The following CNTNAP5 variants were observed in gnomAD, a reference collection of about 807,000 sequenced individuals.
CNTNAP5 encodes the protein contactin associated protein family member 5.
CNTNAP5 carries 72 observed loss-of-function variants against 150.2 expected under a neutral mutation model. That is an observed-to-expected ratio of 0.48 (90% confidence interval 0.40 to 0.58). The LOEUF is 0.58. Among genes scored for constraint, CNTNAP5 ranks in the 20% least tolerant of loss-of-function variants. The pLI is 0.00. For synonymous variants in CNTNAP5, 672 were observed against 619.8 expected (o/e 1.08, Z -1.25); for missense variants, 1,636 against 1,626.2 (o/e 1.01, Z -0.10).
intron 2 of CNTNAP5, among the ~76,000 whole-genome samples, chr2:124,239,202 G>GTTTAGC (rs1475332398): frequency 6.6e-6 from 1 of 151,830 alleles, no homozygotes; most frequent in Admixed American, 6.6e-5. Context: ...TTTTGTTTTG[G>GTTTAGC]TTTGTCTTGG....
At chr2:124,621,741 G>A (rs900838496) in intron 12 of CNTNAP5, among the ~76,000 whole-genome samples, 3 of 152,140 alleles carry the variant, frequency 2.0e-5, no homozygotes, top group Admixed American at 1.3e-4. Context: ...TGCCAGTGTA[G>A]GGGAAATGAG....
chr2:124,733,107 C>A (rs554964309), intron 13 of CNTNAP5, among the ~76,000 whole-genome samples: 151 of 152,008 alleles, frequency 9.9e-4, no homozygotes, highest in African/African-American at 3.5e-3. Flanking sequence ...AGATTAGGAG[C>A]TTTTGGGGGA....
At chr2:124,061,447 G>A (rs1558741718) in intron 1 of CNTNAP5, among the ~76,000 whole-genome samples, 2 of 152,096 alleles carry the variant, frequency 1.3e-5, no homozygotes, top group African/African-American at 2.4e-5. Context: ...TATGAGAAAA[G>A]GAAAATGTGA....
intron 3 of CNTNAP5, among the ~76,000 whole-genome samples, chr2:124,275,879 C>T (rs2104617626): frequency 6.6e-6 from 1 of 152,266 alleles, no homozygotes; most frequent in East Asian, 1.9e-4. Flanking sequence ...GAACAACAGA[C>T]TTGTACCTGG....
chr2:124,374,930 TGA>T (rs1270265020), intron 3 of CNTNAP5, among the ~76,000 whole-genome samples: 1 of 151,756 alleles, frequency 6.6e-6, no homozygotes, highest in Non-Finnish European at 1.5e-5. Context: ...CTTAGAACAA[TGA>T]GAGAGAGAAA....
At chr2:124,099,360 T>A (rs1223489176) in intron 1 of CNTNAP5, among the ~76,000 whole-genome samples, 1 of 152,224 alleles carries the variant, frequency 6.6e-6, no homozygotes, top group African/African-American at 2.4e-5. Flanking sequence ...ATTTACTGAC[T>A]ATAATAACTA....
chr2:124,846,887 A>G (rs1413651276), intron 19 of CNTNAP5, among the ~76,000 whole-genome samples: 1 of 152,102 alleles, frequency 6.6e-6, no homozygotes, highest in African/African-American at 2.4e-5. Context: ...CTGCATTGGT[A>G]TTGGAGAGCT....
chr2:124,869,692 A>G lies in CNTNAP5; in HGVS notation c.3366A>G (p.Arg1122=), dbSNP rs555066300. Residue 1122 remains arginine, a synonymous_variant, in exon 21 of 24, where the codon CGA becomes CGG. Coordinates refer to ENST00000682447, the MANE Select transcript of CNTNAP5 (RefSeq NM_001367498.1). ...TCCTGCAGATGGACCAGCAACTTCG[A>G]CTCAGTTATAACTTCTCTCCGGAAG... is the stretch of plus-strand genomic sequence containing the variant. ...ELTIQMDQQL[R]LSYNFSPEVE... 1 of 1,611,896 alleles carries G rather than the reference A, an allele frequency of 6.2e-7. No homozygotes were observed. The highest frequency in any genetic ancestry group is 1.1e-5 in the South Asian group (1 of 90,946).
At chr2:124,276,358 G>A (rs1687883765) in intron 3 of CNTNAP5, among the ~76,000 whole-genome samples, 1 of 152,166 alleles carries the variant, frequency 6.6e-6, no homozygotes, top group African/African-American at 2.4e-5. Flanking sequence ...TTATATCCCT[G>A]CTTTTAACAT....
chr2:124,643,854 G>GT (rs926610480), intron 12 of CNTNAP5, among the ~76,000 whole-genome samples: 1 of 152,216 alleles, frequency 6.6e-6, no homozygotes, highest in Non-Finnish European at 1.5e-5. Context: ...GAATAGGATT[G>GT]TTTCTAAAGC....
At chr2:124,464,957 G>A (rs1322517920) in intron 6 of CNTNAP5, among the ~76,000 whole-genome samples, 1 of 152,030 alleles carries the variant, frequency 6.6e-6, no homozygotes, top group Non-Finnish European at 1.5e-5. Flanking sequence ...ACAAAAGTGA[G>A]ACAAACATTT....
chr2:124,453,978 G>GA (rs1372016001), intron 6 of CNTNAP5, among the ~76,000 whole-genome samples: 1 of 151,656 alleles, frequency 6.6e-6, no homozygotes, highest in Middle Eastern at 3.2e-3. Flanking sequence ...AAATACAATT[G>GA]AAAAAACAAA....
intron 3 of CNTNAP5, among the ~76,000 whole-genome samples, chr2:124,336,745 G>C (rs1165187265): frequency 3.9e-5 from 6 of 151,918 alleles, no homozygotes. Flanking sequence ...TGGTATATAT[G>C]TGCCACATTT....
At chr2:124,035,910 C>CTTTTTTTTT (rs759598012) in intron 1 of CNTNAP5, among the ~76,000 whole-genome samples, 10 of 76,528 alleles carry the variant, frequency 1.3e-4, no homozygotes, top group African/African-American at 4.0e-4. Flanking sequence ...AGGATGAACT[C>CTTTTTTTTT]TTTTTTTTTT....
chr2:124,401,067 A>G (rs1300816338), intron 3 of CNTNAP5, among the ~76,000 whole-genome samples: 2 of 152,108 alleles, frequency 1.3e-5, no homozygotes, highest in African/African-American at 2.4e-5. Flanking sequence ...GGGTTTCACT[A>G]TGTTGGCCAG....
chr2:124,562,999 G>A (rs191559877), intron 10 of CNTNAP5, among the ~76,000 whole-genome samples: 16 of 152,202 alleles, frequency 1.1e-4, no homozygotes, highest in Admixed American at 9.2e-4. Context: ...TCAGCTTTGC[G>A]ACTTTCATTG....
chr2:124,353,735 A>C (rs1372442940), intron 3 of CNTNAP5, among the ~76,000 whole-genome samples: 3 of 152,224 alleles, frequency 2.0e-5, no homozygotes, highest in Admixed American at 2.0e-4. Context: ...GGAACATTCC[A>C]TCAGGAATTA....
intron 3 of CNTNAP5, among the ~76,000 whole-genome samples, chr2:124,358,336 C>A (rs1285256765): frequency 6.6e-6 from 1 of 152,120 alleles, no homozygotes; most frequent in Non-Finnish European, 1.5e-5. Flanking sequence ...ACTTCCAACA[C>A]TACGTTGAAT....
intron 1 of CNTNAP5, among the ~76,000 whole-genome samples, chr2:124,135,788 T>A (rs1195390236): frequency 1.3e-5 from 2 of 152,246 alleles, no homozygotes; most frequent in Non-Finnish European, 2.9e-5. Context: ...GTGTTTTGTG[T>A]GTGTGTATTT....
Sources: allele counts gnomAD v4.1 joint callset (sites outside exome capture counted in the v4.1 genomes callset), GRCh38; gene constraint gnomAD v4.1.1; transcripts MANE v1.5; gene names NCBI Gene and HGNC (gene_info 2026-07-23, HGNC 2026-07-21).